NALF1: variants seen among roughly 807,000 people sequenced by gnomAD.
The protein encoded by NALF1 is NALCN channel auxiliary factor 1.
In NALF1, 3 loss-of-function variants were observed where a neutral mutation model predicts 48.4. That is an observed-to-expected ratio of 0.06 (90% confidence interval 0.03 to 0.16). NALF1 has a LOEUF of 0.16. Among genes scored for constraint, NALF1 ranks in the 10% least tolerant of loss-of-function variants. NALF1 has a pLI of 1.00. For synonymous variants in NALF1, 262 were observed against 245.7 expected (o/e 1.07, Z -0.62); for missense variants, 526 against 571.5 (o/e 0.92, Z 0.81).
intron 1 of NALF1, among the ~76,000 whole-genome samples, chr13:107,596,843 A>C (rs2138421559): frequency 6.6e-6 from 1 of 152,056 alleles, no homozygotes; most frequent in East Asian, 1.9e-4. Context: ...AGAAAAGACA[A>C]TTTTCATTCG....
chr13:107,710,713 C>T (rs765074327), intron 1 of NALF1, among the ~76,000 whole-genome samples: 114 of 150,492 alleles, frequency 7.6e-4, no homozygotes, highest in Admixed American at 1.5e-3. Context: ...TCCCTCAACA[C>T]GTGGGGATTA....
At chr13:107,419,284 A>AT (rs1884144463) in intron 1 of NALF1, among the ~76,000 whole-genome samples, 1 of 152,206 alleles carries the variant, frequency 6.6e-6, no homozygotes, top group South Asian at 2.1e-4. Context: ...ACGTTTAAAG[A>AT]TTTTTAAAGC....
chr13:107,220,058 C>G (rs116782873), intron 1 of NALF1, among the ~76,000 whole-genome samples: 5,907 of 108,468 alleles, frequency 0.054, 163 homozygotes, highest in East Asian at 0.13. Context: ...ACCAATGTCA[C>G]AGTCACAAAA....
At chr13:107,761,467 G>A (rs919053086) in intron 1 of NALF1, among the ~76,000 whole-genome samples, 20 of 152,180 alleles carry the variant, frequency 1.3e-4, no homozygotes, top group Admixed American at 1.3e-3. Context: ...GAAGAAATGG[G>A]TCCACTTGTG....
At chr13:107,196,264 A>ACATG in intron 2 of NALF1, among the ~76,000 whole-genome samples, 1 of 152,322 alleles carries the variant, frequency 6.6e-6, no homozygotes, top group South Asian at 2.1e-4. Context: ...GACTTTACCT[A>ACATG]TATAACAAAC....
chr13:107,723,012 A>C (rs1876033354), intron 1 of NALF1, among the ~76,000 whole-genome samples: 3 of 152,242 alleles, frequency 2.0e-5, no homozygotes, highest in Admixed American at 6.5e-5. Context: ...AGAATTTTTC[A>C]AAACTGAAAA....
At chr13:107,559,135 C>T (rs959604938) in intron 1 of NALF1, among the ~76,000 whole-genome samples, 1 of 152,212 alleles carries the variant, frequency 6.6e-6, no homozygotes, top group African/African-American at 2.4e-5. Flanking sequence ...CTCTAATACA[C>T]ACCCCATGTG....
chr13:107,451,199 T>C (rs982001315), intron 1 of NALF1, among the ~76,000 whole-genome samples: 1 of 152,006 alleles, frequency 6.6e-6, no homozygotes, highest in African/African-American at 2.4e-5. Flanking sequence ...GCGGAAATGT[T>C]TGCTTCTCCC....
intron 1 of NALF1, among the ~76,000 whole-genome samples, chr13:107,479,694 C>A (rs1264930171): frequency 2.6e-5 from 4 of 152,054 alleles, no homozygotes; most frequent in African/African-American, 9.7e-5. Context: ...CATGCACCAC[C>A]AATTAATATC....
intron 2 of NALF1, among the ~76,000 whole-genome samples, chr13:107,194,925 C>T (rs540562655): frequency 1.3e-5 from 2 of 152,010 alleles, no homozygotes; most frequent in Non-Finnish European, 2.9e-5. Context: ...TAGACAATTG[C>T]CAAAGGAAGA....
At chr13:107,367,016 T>A (rs1471103002) in intron 1 of NALF1, among the ~76,000 whole-genome samples, 1 of 152,108 alleles carries the variant, frequency 6.6e-6, no homozygotes, top group Non-Finnish European at 1.5e-5. Flanking sequence ...AGGCGTTATT[T>A]TAGAGGGAAA....
intron 1 of NALF1, among the ~76,000 whole-genome samples, chr13:107,688,919 G>A (rs1050157788): frequency 2.0e-5 from 3 of 152,142 alleles, no homozygotes; most frequent in Non-Finnish European, 2.9e-5. Flanking sequence ...CAAGAGTCTC[G>A]AAACGGAGGT....
chr13:107,264,590 C>T (rs868265847), intron 1 of NALF1, among the ~76,000 whole-genome samples: 26 of 152,304 alleles, frequency 1.7e-4, no homozygotes, highest in Middle Eastern at 3.4e-3. Flanking sequence ...GTGCCCTTTG[C>T]AGCAACCTTC....
At chr13:107,369,860 G>T (rs938549659) in intron 1 of NALF1, among the ~76,000 whole-genome samples, 5 of 152,108 alleles carry the variant, frequency 3.3e-5, no homozygotes, top group Non-Finnish European at 5.9e-5. Flanking sequence ...TGGCTTTGAG[G>T]CCAATGTAAG....
At chr13:107,684,324 T>A (rs754012053) in intron 1 of NALF1, among the ~76,000 whole-genome samples, 2 of 152,146 alleles carry the variant, frequency 1.3e-5, no homozygotes, top group East Asian at 3.9e-4. Flanking sequence ...ATGTGAAAGG[T>A]CAGGAAGAGG....
intron 1 of NALF1, among the ~76,000 whole-genome samples, chr13:107,762,706 C>CA (rs1594250238): frequency 6.6e-6 from 1 of 152,244 alleles, no homozygotes; most frequent in East Asian, 1.9e-4. Context: ...TCAGTGGGTA[C>CA]AGGGTCTCAG....
chr13:107,508,744 C>T (rs987219644), intron 1 of NALF1, among the ~76,000 whole-genome samples: 2 of 151,988 alleles, frequency 1.3e-5, no homozygotes, highest in African/African-American at 4.8e-5. Flanking sequence ...ACTACGCACA[C>T]GCCCCCAATC....
At chr13:107,253,776 C>G (rs1169447568) in intron 1 of NALF1, among the ~76,000 whole-genome samples, 1 of 152,002 alleles carries the variant, frequency 6.6e-6, no homozygotes, top group Non-Finnish European at 1.5e-5. Flanking sequence ...TGCATGCCAC[C>G]CTTCACCTCA....
intron 1 of NALF1, among the ~76,000 whole-genome samples, chr13:107,467,811 C>T (rs143101252): frequency 0.012 from 1,843 of 152,078 alleles, 20 homozygotes; most frequent in Middle Eastern, 0.037. Context: ...GAGACCGAGG[C>T]GGGTGGATCA....
Sources: allele counts gnomAD v4.1 joint callset (sites outside exome capture counted in the v4.1 genomes callset), GRCh38; gene constraint gnomAD v4.1.1; transcripts MANE v1.5; gene names NCBI Gene and HGNC (gene_info 2026-07-23, HGNC 2026-07-21).